Variants in PXDNL observed in about 807,000 individuals in gnomAD.
PXDNL encodes probable oxidoreductase PXDNL.
A neutral mutation model predicts 150.8 loss-of-function variants in PXDNL; 145 were observed. That is an observed-to-expected ratio of 0.96 (90% CI 0.84 to 1.10). PXDNL has a LOEUF of 1.10. PXDNL is among the 50% of genes least tolerant of loss of function. The probability of loss-of-function intolerance (pLI) is 0.00; values close to 1 mark genes in which losing one functional copy is unlikely to be tolerated. For synonymous variants in PXDNL, 757 were observed against 725.7 expected (o/e 1.04, Z -0.69); for missense variants, 2,087 against 1,873.9 (o/e 1.11, Z -2.10).
chr8:51,436,285 G>A, intron 12 of PXDNL: 1 of 491,270 alleles, frequency 2.0e-6, no homozygotes, highest in Non-Finnish European at 4.1e-6. Context: ...AGAAGGTGTT[G>A]CTCTTGTAGA....
chr8:51,638,790 A>C (rs1259188990), intron 2 of PXDNL, among the ~76,000 whole-genome samples: 1 of 152,180 alleles, frequency 6.6e-6, no homozygotes, highest in East Asian at 1.9e-4. Context: ...TAGACAGATC[A>C]ACGAGACAGA....
intron 4 of PXDNL, among the ~76,000 whole-genome samples, chr8:51,540,744 A>G (rs984240641): frequency 1.1e-4 from 17 of 152,112 alleles, no homozygotes; most frequent in African/African-American, 3.6e-4. Flanking sequence ...TGATTTTGTT[A>G]TTCAGGTCTT....
intron 1 of PXDNL, among the ~76,000 whole-genome samples, chr8:51,676,465 TG>T (rs1815624537): frequency 6.6e-6 from 1 of 151,986 alleles, no homozygotes; most frequent in Non-Finnish European, 1.5e-5. Flanking sequence ...TTAGTAGAGA[TG>T]GGGTTTCACC....
rs140611623 is a variant in PXDNL at position 51,398,539 on chromosome 8, T to A, written c.3557+9528A>T. ...CCAAGTCTTAACAGAATAACTTCTA[T>A]CCTTATAAGGATAAACTCTACTCAA... On this transcript the variant is annotated intron_variant, in intron 17 of 22. Coordinates refer to ENST00000356297, the MANE Select transcript of PXDNL (RefSeq NM_144651.5). Among the ~76,000 whole-genome samples the A allele has an allele frequency of 3.4e-3, 524 of 152,256 alleles. 6 individuals are homozygous for A. The highest frequency in any genetic ancestry group is 9.1e-3 in the East Asian group (47 of 5,174).
At chr8:51,650,759 GA>G (rs1391962204) in intron 2 of PXDNL, among the ~76,000 whole-genome samples, 4 of 152,174 alleles carry the variant, frequency 2.6e-5, no homozygotes, top group African/African-American at 9.7e-5. Context: ...GCAAAAGTGA[GA>G]ATGATGCATT....
chr8:51,636,777 C>T (rs573862247), intron 2 of PXDNL, among the ~76,000 whole-genome samples: 60 of 150,760 alleles, frequency 4.0e-4, no homozygotes, highest in Non-Finnish European at 6.8e-4. Flanking sequence ...AGATGTAATA[C>T]AATCCTTATA....
intron 12 of PXDNL, 54 bp from the exon 13 acceptor site, chr8:51,426,812 A>G: frequency 9.5e-7 from 1 of 1,051,560 alleles, no homozygotes; most frequent in Non-Finnish European, 1.4e-6. Flanking sequence ...TTTTGTCAAC[A>G]TATGCCAGCT....
chr8:51,423,411 A>AT (rs937687401), intron 14 of PXDNL, among the ~76,000 whole-genome samples, 164 bp downstream of exon 14: 5 of 152,068 alleles, frequency 3.3e-5, no homozygotes, highest in Admixed American at 6.6e-5. Context: ...TTATATTTAA[A>AT]TTTTTTTATT....
chr8:51,791,542 A>C (rs938067225), intron 1 of PXDNL, among the ~76,000 whole-genome samples: 2 of 152,254 alleles, frequency 1.3e-5, no homozygotes, highest in African/African-American at 2.4e-5. Flanking sequence ...CATGTCATCC[A>C]GGTGACTTTC....
chr8:51,368,423 T>C (rs1050268195), intron 19 of PXDNL, among the ~76,000 whole-genome samples: 1 of 152,142 alleles, frequency 6.6e-6, no homozygotes, highest in Non-Finnish European at 1.5e-5. Context: ...TTTAGGAATT[T>C]AGGAGAAGAG....
At chr8:51,499,598 A>G (rs1585528668) in intron 5 of PXDNL, 101 bp downstream of exon 5, 1 of 820,906 alleles carries the variant, frequency 1.2e-6, no homozygotes, top group East Asian at 2.5e-5. Flanking sequence ...CTGCCTCTAA[A>G]GCTTACAGCA....
chr8:51,690,963 G>T (rs1419863700), intron 1 of PXDNL, among the ~76,000 whole-genome samples: 1 of 152,066 alleles, frequency 6.6e-6, no homozygotes, highest in East Asian at 1.9e-4. Context: ...CTGCATAAAT[G>T]TCTTCTTTTG....
chr8:51,555,731 T>C (rs1186467029), intron 4 of PXDNL, among the ~76,000 whole-genome samples: 3 of 152,208 alleles, frequency 2.0e-5, no homozygotes, highest in African/African-American at 7.2e-5. Context: ...TCCCATAGGT[T>C]GTCATCAATG....
chr8:51,364,899 T>G (rs1387372508), intron 19 of PXDNL, among the ~76,000 whole-genome samples: 1 of 152,208 alleles, frequency 6.6e-6, no homozygotes, highest in Admixed American at 6.5e-5. Context: ...TTATAGCAGA[T>G]AATACTGTAA....
intron 2 of PXDNL, among the ~76,000 whole-genome samples, chr8:51,638,602 G>C (rs1814663263): frequency 1.3e-5 from 2 of 152,126 alleles, no homozygotes; most frequent in African/African-American, 4.8e-5. Flanking sequence ...AAGAGACAAA[G>C]AAGGCCATTA....
intron 1 of PXDNL, among the ~76,000 whole-genome samples, chr8:51,750,521 G>A (rs539189171): frequency 1.9e-4 from 29 of 151,854 alleles, no homozygotes; most frequent in South Asian, 4.2e-4. Context: ...CATAATAATC[G>A]TATGGGACCA....
intron 1 of PXDNL, among the ~76,000 whole-genome samples, chr8:51,765,136 T>C (rs534343461): frequency 6.6e-6 from 1 of 152,304 alleles, no homozygotes; most frequent in South Asian, 2.1e-4. Flanking sequence ...ACGGTTGATA[T>C]GGTTTGGCTG....
At chr8:51,460,002 C>T (rs539805650) in intron 8 of PXDNL, among the ~76,000 whole-genome samples, 1 of 152,204 alleles carries the variant, frequency 6.6e-6, no homozygotes, top group African/African-American at 2.4e-5. Context: ...GATGCCAGCA[C>T]TATGGGAGGC....
chr8:51,733,446 G>A (rs1296945344), intron 1 of PXDNL, among the ~76,000 whole-genome samples: 1 of 152,090 alleles, frequency 6.6e-6, no homozygotes, highest in Non-Finnish European at 1.5e-5. Flanking sequence ...CCATTTCTTG[G>A]TGATTTGTTC....
Sources: gnomAD v4.1 joint callset for allele counts (sites outside exome capture counted in the v4.1 genomes callset) on GRCh38, gnomAD v4.1.1 for gene constraint, MANE v1.5 for transcripts, NCBI Gene and HGNC (gene_info 2026-07-23, HGNC 2026-07-21) for gene names.